Variants in RBFOX1 observed in about 807,000 individuals in gnomAD.
RBFOX1 encodes RNA binding protein fox-1 homolog 1.
Under a neutral mutation model 57.7 loss-of-function variants are expected in RBFOX1, and 8 were observed. That is an observed-to-expected ratio of 0.14 (90% CI 0.08 to 0.25). RBFOX1 has a LOEUF of 0.25. Ranked by LOEUF, RBFOX1 falls within the 10% of genes least tolerant of loss-of-function variation. The pLI is 1.00. For synonymous variants in RBFOX1, 326 were observed against 222.4 expected (o/e 1.47, Z -4.15); for missense variants, 611 against 548.5 (o/e 1.11, Z -1.14).
chr16:6,206,614 CACAAT>C (rs926520661), intron 1 of RBFOX1, among the ~76,000 whole-genome samples: 14 of 152,096 alleles, frequency 9.2e-5, no homozygotes, highest in Non-Finnish European at 1.8e-4. Flanking sequence ...AAATTTCCAC[CACAAT>C]ACATTTTTTA....
At chr16:6,798,636 C>T (rs376802713) in intron 3 of RBFOX1, among the ~76,000 whole-genome samples, 1 of 152,212 alleles carries the variant, frequency 6.6e-6, no homozygotes, top group African/African-American at 2.4e-5. Flanking sequence ...TTTCGTTTCT[C>T]TGGCCAAAGC....
intron 2 of RBFOX1, among the ~76,000 whole-genome samples, chr16:5,521,364 G>A (rs2044006695): frequency 6.6e-6 from 1 of 150,460 alleles, no homozygotes; most frequent in Non-Finnish European, 1.5e-5. Context: ...GGGGTGGGGT[G>A]GGGTGGGGGG....
At chr16:7,410,061 T>C (rs977404233) in intron 4 of RBFOX1, among the ~76,000 whole-genome samples, 1 of 138,880 alleles carries the variant, frequency 7.2e-6, no homozygotes, top group Non-Finnish European at 1.6e-5. Context: ...CATTGGAGTC[T>C]TCAGTGATGA....
chr16:6,028,180 G>A (rs7203563), intron 1 of RBFOX1, among the ~76,000 whole-genome samples: 138,198 of 152,162 alleles, frequency 0.91, 62,779 homozygotes, highest in African/African-American at 0.95. Flanking sequence ...CGTTGTAAAT[G>A]TCATACCTAT....
At chr16:6,748,619 A>G (rs940432543) in intron 3 of RBFOX1, among the ~76,000 whole-genome samples, 7 of 152,152 alleles carry the variant, frequency 4.6e-5, no homozygotes, top group African/African-American at 7.2e-5. Flanking sequence ...TAATTACACC[A>G]CTGCACTCCA....
intron 2 of RBFOX1, among the ~76,000 whole-genome samples, chr16:5,530,206 C>T (rs372665581): frequency 2.0e-5 from 3 of 152,144 alleles, no homozygotes; most frequent in South Asian, 2.1e-4. Context: ...CCCAGCAGTC[C>T]GAGGTACAGC....
chr16:7,220,512 G>C (rs1041442444), intron 4 of RBFOX1, among the ~76,000 whole-genome samples: 1 of 152,214 alleles, frequency 6.6e-6, no homozygotes, highest in African/African-American at 2.4e-5. Context: ...TTGATTATGT[G>C]TGATTTCTGC....
chr16:7,693,552 G>C (rs2077882890), intron 14 of RBFOX1, among the ~76,000 whole-genome samples: 1 of 151,324 alleles, frequency 6.6e-6, no homozygotes, highest in South Asian at 2.1e-4. Flanking sequence ...GACGACATTA[G>C]GCATTTTGCT....
intron 3 of RBFOX1, among the ~76,000 whole-genome samples, chr16:6,945,921 C>A (rs2079417513): frequency 6.6e-6 from 1 of 152,140 alleles, no homozygotes; most frequent in African/African-American, 2.4e-5. Context: ...TGGTGCTAAC[C>A]CTAAGCCCCC....
At chr16:5,665,250 C>T (rs940488074) in intron 3 of RBFOX1, among the ~76,000 whole-genome samples, 81 of 152,050 alleles carry the variant, frequency 5.3e-4, no homozygotes, top group African/African-American at 1.9e-3. Context: ...TGCTTCTGGC[C>T]AACCTCTTTT....
chr16:7,576,549 A>G (rs2093354774), intron 5 of RBFOX1, among the ~76,000 whole-genome samples: 1 of 152,142 alleles, frequency 6.6e-6, no homozygotes, highest in Non-Finnish European at 1.5e-5. Context: ...TCTCCATAAC[A>G]GTTTATACGC....
At chr16:5,722,768 C>G (rs190699067) in intron 3 of RBFOX1, among the ~76,000 whole-genome samples, 1 of 152,188 alleles carries the variant, frequency 6.6e-6, no homozygotes, top group Non-Finnish European at 1.5e-5. Context: ...TGGCTTACTT[C>G]TAGTTATCCA....
intron 10 of RBFOX1, among the ~76,000 whole-genome samples, chr16:7,617,197 A>C (rs3785236): frequency 0.66 from 99,720 of 151,756 alleles, 35,409 homozygotes; most frequent in East Asian, 0.96. Flanking sequence ...GTAGGCACAG[A>C]TAGTGTTTTT....
intron 3 of RBFOX1, among the ~76,000 whole-genome samples, chr16:6,683,967 C>G (rs1172583621): frequency 6.6e-6 from 1 of 152,214 alleles, no homozygotes; most frequent in African/African-American, 2.4e-5. Context: ...CTCTTCCCTT[C>G]TTTTCTCCAT....
chr16:7,000,789 A>G (rs1044835236), intron 3 of RBFOX1, among the ~76,000 whole-genome samples: 2 of 151,726 alleles, frequency 1.3e-5, no homozygotes, highest in South Asian at 2.1e-4. Flanking sequence ...TATTTTTAGT[A>G]GAGACGGTTT....
intron 5 of RBFOX1, among the ~76,000 whole-genome samples, chr16:7,573,103 C>A (rs2092960328): frequency 6.6e-6 from 1 of 152,090 alleles, no homozygotes; most frequent in African/African-American, 2.4e-5. Flanking sequence ...TGCTGTAGAT[C>A]ATAGGGCCAG....
At chr16:6,799,010 T>TA (rs2084743727) in intron 3 of RBFOX1, among the ~76,000 whole-genome samples, 1 of 152,128 alleles carries the variant, frequency 6.6e-6, no homozygotes, top group African/African-American at 2.4e-5. Flanking sequence ...AATGGGTATA[T>TA]TTTGTTGCCA....
chr16:7,309,725 C>G (rs1007218948), intron 4 of RBFOX1, among the ~76,000 whole-genome samples: 1 of 152,074 alleles, frequency 6.6e-6, no homozygotes, highest in African/African-American at 2.4e-5. Context: ...TGTAGTTTGT[C>G]AGGCAAATAA....
chr16:7,078,176 T>G (rs1374014167), intron 4 of RBFOX1, among the ~76,000 whole-genome samples: 1 of 152,194 alleles, frequency 6.6e-6, no homozygotes, highest in African/African-American at 2.4e-5. Context: ...AGTCATCGTT[T>G]TCCTGCAGAA....
Sources: allele counts gnomAD v4.1 joint callset (sites outside exome capture counted in the v4.1 genomes callset), GRCh38; gene constraint gnomAD v4.1.1; transcripts MANE v1.5; gene names NCBI Gene and HGNC (gene_info 2026-07-23, HGNC 2026-07-21).